The following CORIN variants were observed in gnomAD, a reference collection of about 807,000 sequenced individuals.
CORIN encodes the protein atrial natriuretic peptide-converting enzyme.
Under a neutral mutation model 125.3 loss-of-function variants are expected in CORIN, and 117 were observed. The ratio of observed to expected loss-of-function variants is 0.93; its 90% CI spans 0.80 to 1.09. The LOEUF is 1.09. CORIN is among the 50% of genes least tolerant of loss of function. The pLI is 0.00. For missense variants in CORIN, 1,253 were observed against 1,306.7 expected (o/e 0.96, Z 0.63); for synonymous variants, 450 against 466.4 (o/e 0.96, Z 0.45).
intron 19 of CORIN, among the ~76,000 whole-genome samples, chr4:47,613,843 G>A (rs930073081): frequency 6.6e-6 from 1 of 150,428 alleles, no homozygotes; most frequent in Non-Finnish European, 1.5e-5. Context: ...AGCATTGGGA[G>A]ATATACCTAA....
At chr4:47,632,770 T>TAGATAG (rs1560481534) in intron 16 of CORIN, among the ~76,000 whole-genome samples, 14 of 111,492 alleles carry the variant, frequency 1.3e-4, no homozygotes, top group Admixed American at 1.9e-4. Context: ...TAGATAGAGA[T>TAGATAG]AGATAGTTAG....
At chr4:47,820,650 A>G (rs921544760) in intron 1 of CORIN, among the ~76,000 whole-genome samples, 2 of 151,902 alleles carry the variant, frequency 1.3e-5, no homozygotes, top group African/African-American at 4.8e-5. Flanking sequence ...AACCAAAACC[A>G]CTCTGCACTT....
intron 2 of CORIN, among the ~76,000 whole-genome samples, chr4:47,804,918 C>T (rs1443617541): frequency 3.3e-5 from 5 of 151,274 alleles, no homozygotes; most frequent in Non-Finnish European, 5.9e-5. Context: ...GGGTGGATCA[C>T]GCGGTCAGGA....
chr4:47,617,250 A>G (rs1722099527), intron 19 of CORIN, among the ~76,000 whole-genome samples: 1 of 151,342 alleles, frequency 6.6e-6, no homozygotes, highest in South Asian at 2.1e-4. Flanking sequence ...TTATGATCAT[A>G]TATTTTATGT....
At chr4:47,711,851 G>A (rs1726857015) in intron 5 of CORIN, among the ~76,000 whole-genome samples, 1 of 152,176 alleles carries the variant, frequency 6.6e-6, no homozygotes, top group Non-Finnish European at 1.5e-5. Context: ...ACATCACAAT[G>A]AGAACTCTGA....
intron 21 of CORIN, among the ~76,000 whole-genome samples, chr4:47,598,992 T>C (rs1012438893): frequency 6.6e-6 from 1 of 152,220 alleles, no homozygotes; most frequent in African/African-American, 2.4e-5. Flanking sequence ...ATTTTACTCA[T>C]GAGAAAGCTA....
intron 5 of CORIN, among the ~76,000 whole-genome samples, chr4:47,742,036 T>C (rs1448594572): frequency 6.6e-6 from 1 of 152,012 alleles, no homozygotes; most frequent in East Asian, 1.9e-4. Flanking sequence ...TAATATACTT[T>C]AAAGAGATGA....
intron 19 of CORIN, 55 bp downstream of exon 19, chr4:47,623,516 C>T (rs1355251258): frequency 3.8e-6 from 6 of 1,569,270 alleles, no homozygotes; most frequent in Non-Finnish European, 4.4e-6. Flanking sequence ...TGAGAATTCC[C>T]GAGTGACAAA....
At position 47,837,896 on chromosome 4, in the gene CORIN, G is replaced by C. The variant is rs1182764057; in HGVS notation, c.54C>G (p.Ser18=). ...GAATCATCGATCTTACCGGCTTTGG[G>C]GACCCGGCTCTGCGGCAGCGCTCTT... ...APEERCRRAG[S]PKPVLRADDN... Residue 18 remains serine (S), a synonymous_variant, in exon 1 of 22, where the codon TCC becomes TCG. Coordinates refer to ENST00000273857, the MANE Select transcript of CORIN (RefSeq NM_006587.4). 3 of 1,613,608 alleles carry C rather than the reference G, an allele frequency of 1.9e-6. No homozygotes were observed. Among genetic ancestry groups the C allele is most frequent in the South Asian group, 1.1e-5 (1 of 91,062 alleles).
intron 15 of CORIN, among the ~76,000 whole-genome samples, chr4:47,642,635 TG>T (rs1169130616): frequency 6.6e-6 from 1 of 152,010 alleles, no homozygotes; most frequent in African/African-American, 2.4e-5. Context: ...GAGTGATGAG[TG>T]TGGGATGAGG....
intron 2 of CORIN, among the ~76,000 whole-genome samples, chr4:47,793,806 G>A (rs75424485): frequency 0.034 from 5,248 of 152,260 alleles, 124 homozygotes; most frequent in Middle Eastern, 0.061. Context: ...ACTGATAGAG[G>A]TATAGGAATC....
chr4:47,685,367 T>A (rs767948988), intron 6 of CORIN, among the ~76,000 whole-genome samples: 2 of 152,194 alleles, frequency 1.3e-5, no homozygotes, highest in Non-Finnish European at 2.9e-5. Flanking sequence ...TGTGACAGTA[T>A]GGATGAACCC....
chr4:47,643,246 T>C lies in CORIN; in HGVS notation c.1968A>G (p.Gln656=). 6.3e-7 allele frequency: 1 copy of C among 1,595,556 alleles called. No individual in the cohort carries two copies. Among genetic ancestry groups the C allele is most frequent in the Non-Finnish European group, 8.5e-7 (1 of 1,170,498 alleles). The change falls in exon 15 of 22, where the codon CAA becomes CAG. Residue 656 remains glutamine, a synonymous_variant. Transcript: ENST00000273857. ...GGTTTGCACATTCCAGCTCATCATC[T>C]TGGCAAAATGCTGGCATGGGGAACA... The part of the protein sequence containing the change: ...YMDEKNCSFC[Q]DDELECANHA...
At chr4:47,622,646 T>G (rs963947340) in intron 19 of CORIN, among the ~76,000 whole-genome samples, 1 of 152,196 alleles carries the variant, frequency 6.6e-6, no homozygotes, top group Non-Finnish European at 1.5e-5. Context: ...CATAAATGTC[T>G]TCTTTTGAGA....
At chr4:47,619,827 G>A (rs369546174) in intron 19 of CORIN, among the ~76,000 whole-genome samples, 1 of 152,156 alleles carries the variant, frequency 6.6e-6, no homozygotes, top group East Asian at 1.9e-4. Flanking sequence ...ATCGCTTGAT[G>A]AATGTACTCT....
chr4:47,643,167 T>A lies in CORIN; in HGVS notation c.2047A>T (p.Ser683Cys), dbSNP rs144722161. The A allele has an allele frequency of 4.0e-3, 6,407 of 1,614,112 alleles. 33 individuals carry two copies. Among genetic ancestry groups the A allele is most frequent in the South Asian group, 0.012 (1,121 of 91,078 alleles). ...TCACCACAGTCCCATTCATCTGAAC[T>A]GTCTGAGCAGTCGGCTTCACCATCA... ...WCDGEADCSD[S>C]SDEWDCVTLS... Residue 683 changes from serine to cysteine, a missense_variant, in exon 15 of 22, where the codon AGT (serine) becomes TGT (cysteine). Ser to Cys is a moderately radical substitution (Grantham distance 112). Coordinates refer to ENST00000273857, the MANE Select transcript of CORIN (RefSeq NM_006587.4).
At position 47,594,193 on chromosome 4, in the gene CORIN, TC is replaced by T. The variant is rs554808590; in HGVS notation, c.*1527del. The T allele has an allele frequency of 2.8e-3, 433 of 152,558 alleles. 2 individuals carry two copies. Among genetic ancestry groups the T allele is most frequent in the African/African-American group, 9.6e-3 (397 of 41,552 alleles). 9.5% of individuals were successfully genotyped at this position (152,558 alleles called of 1,614,324 possible). On this transcript the variant is annotated 3_prime_UTR_variant, in exon 22 of 22. Coordinates refer to ENST00000273857, the MANE Select transcript of CORIN (RefSeq NM_006587.4). ...AATTCAGTTGCTGGATTTCACACTC[TC>T]CTTAGGTTTATACAAACTGAAGGAC...
At chr4:47,825,323 C>T (rs1360632922) in intron 1 of CORIN, among the ~76,000 whole-genome samples, 4 of 152,246 alleles carry the variant, frequency 2.6e-5, no homozygotes, top group African/African-American at 4.8e-5. Flanking sequence ...CCCTTGCAGG[C>T]GAGGTATTCT....
intron 3 of CORIN, among the ~76,000 whole-genome samples, chr4:47,774,913 T>C (rs1210497341): frequency 1.3e-5 from 2 of 152,134 alleles, no homozygotes; most frequent in Admixed American, 6.5e-5. Context: ...GTCAAACTCA[T>C]AGAAGCAGAA....
Sources: gnomAD v4.1 joint callset for allele counts (sites outside exome capture counted in the v4.1 genomes callset) on GRCh38, gnomAD v4.1.1 for gene constraint, MANE v1.5 for transcripts, NCBI Gene and HGNC (gene_info 2026-07-23, HGNC 2026-07-21) for gene names.